Variants in FCHO1 observed in about 807,000 individuals in gnomAD.
FCHO1 encodes FCH and mu domain containing endocytic adaptor 1.
A neutral mutation model predicts 114.4 loss-of-function variants in FCHO1; 45 were observed. That is an observed-to-expected ratio of 0.39 (90% CI 0.31 to 0.50). The LOEUF is 0.50. Ranked by LOEUF, FCHO1 falls within the 20% of genes least tolerant of loss-of-function variation. FCHO1 has a pLI of 0.77. For missense variants in FCHO1, 1,042 were observed against 1,209.6 expected, an observed-to-expected ratio of 0.86 and a Z score of 2.06; for synonymous variants, 480 against 488.9, an observed-to-expected ratio of 0.98 and a Z score of 0.24.
At chr19:17,774,975 C>T in intron 13 of FCHO1, 81 bp from the exon 14 acceptor site, 1 of 1,513,250 alleles carries the variant, frequency 6.6e-7, no homozygotes, top group Non-Finnish European at 9.2e-7. Context: ...GCCCCAGCTT[C>T]CATGTCCAGT....
At chr19:17,777,510 TGGGCAGCAA>T (rs1182762930) in intron 18 of FCHO1, among the ~76,000 whole-genome samples, 1 of 117,974 alleles carries the variant, frequency 8.5e-6, no homozygotes, top group Non-Finnish European at 1.6e-5. Flanking sequence ...CATTCCAGCC[TGGGCAGCAA>T]GAGGAAACTC....
Position 17,775,860 on chromosome 19 carries a change from T to G in FCHO1, c.1004-123T>G. The G allele has an allele frequency of 8.9e-7, 1 of 1,119,652 alleles. No individual in the cohort carries two copies. The highest frequency in any genetic ancestry group is 1.3e-6 in the Non-Finnish European group (1 of 788,898). 69.4% of individuals were successfully genotyped at this position (1,119,652 alleles called of 1,614,324 possible). On this transcript the variant is annotated intron_variant, in intron 15 of 28. Coordinates refer to ENST00000596536, the MANE Select transcript of FCHO1 (RefSeq NM_015122.3). The surrounding 1 kb of genome is among the most constrained non-coding windows in gnomAD (Gnocchi z 5.1). ...TGGTGTCAGGACTGAAGGTGGCGCG[T>G]GGTGAGCGATGGGATTGGGCAGGAC...
At chr19:17,783,961 C>T (rs1012755377) in intron 24 of FCHO1, 142 bp from the exon 25 acceptor site, 24 of 1,001,014 alleles carry the variant, frequency 2.4e-5, no homozygotes, top group South Asian at 9.9e-5. Flanking sequence ...CTTTACTGCC[C>T]GCACCACAAC....
intron 26 of FCHO1, 46 bp from the exon 27 acceptor site, chr19:17,786,528 A>C: frequency 6.2e-7 from 1 of 1,604,742 alleles, no homozygotes; most frequent in Non-Finnish European, 8.5e-7. Flanking sequence ...CTGGGCTCTC[A>C]GCATCCTCTC....
At position 17,775,570 on chromosome 19, in the gene FCHO1, C is replaced by A. The variant is rs1024321595; in HGVS notation, c.1003+57C>A. On this transcript the variant is annotated intron_variant, in intron 15 of 28. Transcript: ENST00000596536. The surrounding 1 kb of genome is among the most constrained non-coding windows in gnomAD (Gnocchi z 5.1). ...TTGGCACAGCAAGGACAAAATTCTCCGTAATAACCAGTCCACCTTCAGCAG... is the reference window on the plus strand; with the variant it reads ...TTGGCACAGCAAGGACAAAATTCTCAGTAATAACCAGTCCACCTTCAGCAG... 16 of 1,476,414 alleles carry A rather than the reference C, an allele frequency of 1.1e-5. No individual in the cohort carries two copies. The highest frequency in any genetic ancestry group is 1.4e-5 in the Non-Finnish European group (15 of 1,055,328). The allele number at this position is 1,476,414 out of a possible 1,614,324, so 91.5% of individuals were successfully genotyped here.
intron 26 of FCHO1, 134 bp downstream of exon 26, chr19:17,785,058 G>A: frequency 1.2e-6 from 1 of 862,256 alleles, no homozygotes; most frequent in Non-Finnish European, 1.8e-6. Flanking sequence ...TTAGCACTAA[G>A]GGTGATGTTA....
chr19:17,773,291 G>C (rs901722800), intron 11 of FCHO1, among the ~76,000 whole-genome samples: 1 of 152,216 alleles, frequency 6.6e-6, no homozygotes, highest in East Asian at 1.9e-4. Context: ...CATCTGTAAA[G>C]TGAGGATGTA....
intron 18 of FCHO1, among the ~76,000 whole-genome samples, chr19:17,777,697 C>T (rs938322022): frequency 3.9e-5 from 6 of 152,076 alleles, no homozygotes; most frequent in African/African-American, 1.4e-4. Flanking sequence ...TGGAGCTAAG[C>T]CCCAAAGAGG....
At chr19:17,778,468 G>A in intron 19 of FCHO1, 141 bp from the exon 20 acceptor site, 1 of 975,462 alleles carries the variant, frequency 1.0e-6, no homozygotes, top group Non-Finnish European at 1.5e-6. Context: ...TCACCAGAAG[G>A]TGTAGCCTTG....
At chr19:17,774,745 C>G (rs1363422338) in intron 13 of FCHO1, 20 of 587,212 alleles carry the variant, frequency 3.4e-5, no homozygotes, top group Middle Eastern at 4.5e-4. Context: ...ATCTTCCCTG[C>G]CCAAGCTGGC....
intron 13 of FCHO1, 160 bp downstream of exon 13, chr19:17,774,638 C>T (rs2092358296): frequency 6.4e-6 from 4 of 622,146 alleles, no homozygotes; most frequent in South Asian, 1.9e-5. Context: ...AGTACCTCTG[C>T]CCCCGGCTAG....
intron 20 of FCHO1, among the ~76,000 whole-genome samples, chr19:17,780,364 A>G (rs1424891780): frequency 6.6e-6 from 1 of 152,010 alleles, no homozygotes; most frequent in African/African-American, 2.4e-5. Context: ...GGGTTTCACC[A>G]TGTTGGACAG....
At chr19:17,760,394 A>T (rs2085631776) in intron 4 of FCHO1, among the ~76,000 whole-genome samples, 2 of 152,044 alleles carry the variant, frequency 1.3e-5, no homozygotes, top group South Asian at 4.1e-4. Flanking sequence ...TTCAGGCATG[A>T]TGCCCTTCCC....
intron 20 of FCHO1, 137 bp downstream of exon 20, chr19:17,779,021 G>A: frequency 1.1e-6 from 1 of 948,238 alleles, no homozygotes; most frequent in Non-Finnish European, 1.5e-6. Flanking sequence ...CCGTTGCAGG[G>A]ACAACAATGA....
At chr19:17,769,552 C>T (rs2090743094) in intron 7 of FCHO1, among the ~76,000 whole-genome samples, 1 of 150,794 alleles carries the variant, frequency 6.6e-6, no homozygotes, top group African/African-American at 2.4e-5. Flanking sequence ...GCACTCCAGC[C>T]TGGGTGACAC....
At chr19:17,780,345 G>A (rs1289917234) in intron 20 of FCHO1, among the ~76,000 whole-genome samples, 1 of 152,134 alleles carries the variant, frequency 6.6e-6, no homozygotes, top group African/African-American at 2.4e-5. Context: ...TGTATTTTTA[G>A]TAGAGATGGG....
At position 17,767,563 on chromosome 19, in the gene FCHO1, T is replaced by TCAAA. The variant is rs759888511; in HGVS notation, c.336+753_336+754insCAAA. On this transcript the variant is annotated intron_variant, in intron 7 of 28. Transcript: ENST00000596536. ...GCCTAGGCAACAGAGAAAGACTGTC[T>TCAAA]AAAAAAAAAAAAAAAAAAAACAAGA... Among the ~76,000 whole-genome samples, 349 of 114,116 alleles carry TCAAA rather than the reference T, an allele frequency of 3.1e-3. 16 individuals are homozygous for TCAAA. The highest frequency in any genetic ancestry group is 0.013 in the Middle Eastern group (3 of 224). The allele number at this position is 114,116 out of a possible 152,430, so 74.9% of individuals were successfully genotyped here. A position where few individuals can be genotyped will look rare whatever the true frequency, so the allele number is the denominator to read the frequency against.
chr19:17,775,875 T>C lies in FCHO1; in HGVS notation c.1004-108T>C, dbSNP rs768323968. 9 of 1,335,226 alleles carry C rather than the reference T, an allele frequency of 6.7e-6. No homozygotes were observed. The highest frequency in any genetic ancestry group is 2.9e-5 in the African/African-American group (2 of 69,268). 82.7% of individuals were successfully genotyped at this position (1,335,226 alleles called of 1,614,324 possible). ...AGGTGGCGCGTGGTGAGCGATGGGA[T>C]TGGGCAGGACCTCGAAGGGTTTGAG... On this transcript the variant is annotated intron_variant, in intron 15 of 28. Transcript: ENST00000596536. This position sits in a 1 kb window ranked among gnomAD's most constrained non-coding sequence, Gnocchi z 5.1.
chr19:17,776,415 G>A lies in FCHO1; in HGVS notation c.1207+144G>A, dbSNP rs2092637890. The A allele has an allele frequency of 8.4e-7, 1 of 1,193,350 alleles. No homozygotes were observed. Among genetic ancestry groups the A allele is most frequent in the African/African-American group, 1.5e-5 (1 of 66,860 alleles). The allele number at this position is 1,193,350 out of a possible 1,614,324, so 73.9% of individuals were successfully genotyped here. A position where few individuals can be genotyped will look rare whatever the true frequency, so the allele number is the denominator to read the frequency against. On this transcript the variant is annotated intron_variant, in intron 17 of 28. Transcript: ENST00000596536. The surrounding 1 kb of genome is among the most constrained non-coding windows in gnomAD (Gnocchi z 4.4). ...TCAGTCTCCTTTTCTGTAAAATGAGGTCATTATGAAATTAAGTGAGAGCTG... is the reference window on the plus strand; with the variant it reads ...TCAGTCTCCTTTTCTGTAAAATGAGATCATTATGAAATTAAGTGAGAGCTG...
Sources: gnomAD v4.1 joint callset for allele counts (sites outside exome capture counted in the v4.1 genomes callset) on GRCh38, gnomAD v4.1.1 for gene constraint, Gnocchi (gnomAD v3.1) non-coding constraint, MANE v1.5 for transcripts, NCBI Gene and HGNC (gene_info 2026-07-23, HGNC 2026-07-21) for gene names.